CALU: variants seen among roughly 807,000 people sequenced by gnomAD.
The protein encoded by CALU is IEF SSP 9302.
CALU carries 13 observed loss-of-function variants against 37.5 expected under a neutral mutation model. The observed-to-expected ratio is 0.35, with a 90% CI of 0.23 to 0.55. The LOEUF is 0.55. Ranked by LOEUF, CALU falls within the 20% of genes least tolerant of loss-of-function variation. The probability of loss-of-function intolerance (pLI) is 0.89; values close to 1 mark genes in which losing one functional copy is unlikely to be tolerated. For missense variants in CALU, 282 were observed against 391.7 expected, an observed-to-expected ratio of 0.72 and a Z score of 2.36; for synonymous variants, 114 against 133.8, an observed-to-expected ratio of 0.85 and a Z score of 1.02.
At chr7:128,750,942 T>G (rs969655808) in intron 2 of CALU, among the ~76,000 whole-genome samples, 2 of 152,202 alleles carry the variant, frequency 1.3e-5, no homozygotes, top group Non-Finnish European at 2.9e-5. Context: ...AAATAGGCGA[T>G]TTTATGTATC....
intron 2 of CALU, among the ~76,000 whole-genome samples, chr7:128,750,391 G>A (rs1434013604): frequency 6.6e-6 from 1 of 152,172 alleles, no homozygotes; most frequent in Non-Finnish European, 1.5e-5. Context: ...ATTTAGGGTA[G>A]ATGGTACTAT....
intron 3 of CALU, among the ~76,000 whole-genome samples, chr7:128,755,553 C>T (rs1453043325): frequency 2.6e-5 from 4 of 152,130 alleles, no homozygotes; most frequent in African/African-American, 9.7e-5. Flanking sequence ...CATTTGTTTT[C>T]TCTGGCACAT....
At chr7:128,756,379 C>T (rs1332970611) in intron 3 of CALU, among the ~76,000 whole-genome samples, 1 of 152,182 alleles carries the variant, frequency 6.6e-6, no homozygotes, top group Admixed American at 6.5e-5. Flanking sequence ...ATTTCTGCTG[C>T]CTGAGACTGC....
In CALU at chr7:128,754,410, G is replaced by A. The variant is rs147388270; in HGVS notation, c.370G>A (p.Val124Ile). 6.2e-6 allele frequency: 10 copies of A among 1,613,940 alleles called. No homozygotes were observed. The highest frequency in any genetic ancestry group is 2.2e-5 in the East Asian group (1 of 44,888). ...GCATGACCTCAATGAGGACGGCCTC[G>A]TTTCCTGGGAGGAGTATAAAAATGC... is the stretch of plus-strand genomic sequence containing the variant. ...KGHDLNEDGL[V>I]SWEEYKNATY... Residue 124 changes from valine to isoleucine, a missense_variant, in exon 3 of 7, where the codon GTT (valine) becomes ATT (isoleucine). Physicochemically the swap from Val to Ile is conservative, Grantham distance 29 (BLOSUM62 3). Coordinates refer to ENST00000249364, the MANE Select transcript of CALU (RefSeq NM_001219.5).
At position 128,772,376 on chromosome 7, in the gene CALU, G is replaced by A; in HGVS notation, c.*3209G>A. On this transcript the variant is annotated 3_prime_UTR_variant, in exon 7 of 7. Coordinates refer to ENST00000249364, the MANE Select transcript of CALU (RefSeq NM_001219.5). ...GTGGAAACAGTAGCTTTGTAGGCAA[G>A]AAGGCAATAGTAAGAAAATGAAAAA... 1 of 768,110 alleles carries A rather than the reference G, an allele frequency of 1.3e-6. No individual in the cohort carries two copies. The highest frequency in any genetic ancestry group is 2.1e-6 in the Non-Finnish European group (1 of 465,472). 47.6% of individuals were successfully genotyped at this position (768,110 alleles called of 1,614,324 possible). A position where few individuals can be genotyped will look rare whatever the true frequency, so the allele number is the denominator to read the frequency against.
At chr7:128,762,014 G>C (rs1387441033) in intron 5 of CALU, among the ~76,000 whole-genome samples, 1 of 150,974 alleles carries the variant, frequency 6.6e-6, no homozygotes, top group Non-Finnish European at 1.5e-5. Flanking sequence ...ATGAGCAATG[G>C]AAGATAGGAT....
At chr7:128,747,182 C>T (rs1176521558) in intron 1 of CALU, among the ~76,000 whole-genome samples, 1 of 152,144 alleles carries the variant, frequency 6.6e-6, no homozygotes, top group African/African-American at 2.4e-5. Context: ...CATCATTGAA[C>T]ATCTTAATAC....
At chr7:128,757,391 G>GTGTA (rs1357201925) in intron 3 of CALU, among the ~76,000 whole-genome samples, 1 of 151,612 alleles carries the variant, frequency 6.6e-6, no homozygotes, top group African/African-American at 2.4e-5. Context: ...GTGTGTGTGT[G>GTGTA]TACACAGGAT....
chr7:128,769,140 G>C lies in CALU; in HGVS notation c.921G>C (p.Glu307Asp), dbSNP rs762321843. Residue 307 changes from glutamate to aspartate, a missense_variant, in exon 7 of 7, where the codon GAG (glutamate) becomes GAC (aspartate). Physicochemically the swap from Glu to Asp is conservative, Grantham distance 45. Coordinates refer to ENST00000249364, the MANE Select transcript of CALU (RefSeq NM_001219.5). ...FVGSQATDFG[E>D]ALVRHDEF ...GCAGCCAGGCCACAGATTTTGGGGA[G>C]GCCTTAGTACGGCATGATGAGTTCT... is the stretch of plus-strand genomic sequence containing the variant. The C allele has an allele frequency of 1.2e-6, 2 of 1,607,918 alleles. No homozygotes were observed. Among genetic ancestry groups the C allele is most frequent in the Non-Finnish European group, 1.7e-6 (2 of 1,174,408 alleles).
intron 6 of CALU, among the ~76,000 whole-genome samples, chr7:128,768,847 C>CAAAAAAAAAAACAA (rs1491481537): frequency 3.6e-5 from 2 of 55,162 alleles, no homozygotes; most frequent in Non-Finnish European, 6.4e-5. Context: ...AACTCCGTCT[C>CAAAAAAAAAAACAA]AAAAAAAAAA....
Position 128,759,860 on chromosome 7 carries a change from T to A in CALU, c.643+8T>A. 7.7e-6 allele frequency: 10 copies of A among 1,305,632 alleles called. No homozygotes were observed. Among genetic ancestry groups the A allele is most frequent in the Non-Finnish European group, 1.0e-5 (9 of 899,866 alleles). The allele number at this position is 1,305,632 out of a possible 1,614,324, so 80.9% of individuals were successfully genotyped here. A position where few individuals can be genotyped will look rare whatever the true frequency, so the allele number is the denominator to read the frequency against. On this transcript the variant is annotated splice_region_variant and intron_variant, in intron 5 of 6. Coordinates refer to ENST00000249364, the MANE Select transcript of CALU (RefSeq NM_001219.5). ...ATCTAGAAGAGTATATTGGTAAGTC[T>A]CTGCTTTTAGTGTTTTTCTTAGAAA...
In CALU at chr7:128,770,417, T is replaced by TA. The variant is rs1801511341; in HGVS notation, c.*1251dup. 1.3e-5 allele frequency: 2 copies of TA among 152,572 alleles called. No homozygotes were observed. Among genetic ancestry groups the TA allele is most frequent in the South Asian group, 4.1e-4 (2 of 4,828 alleles). The allele number at this position is 152,572 out of a possible 1,614,324, so 9.5% of individuals were successfully genotyped here. A position where few individuals can be genotyped will look rare whatever the true frequency, so the allele number is the denominator to read the frequency against. On this transcript the variant is annotated 3_prime_UTR_variant, in exon 7 of 7. Transcript: ENST00000249364. ...CTCATACCTCACAATGCAAACCACT[T>TA]ACTACCAGGCCTTTTTCTGTGTCCA... is the stretch of plus-strand genomic sequence containing the variant.
chr7:128,748,701 A>C lies in CALU; in HGVS notation c.118A>C (p.Asn40His). The change falls in exon 2 of 7, where the codon AAT becomes CAT. Residue 40 changes from asparagine (N) to histidine (H), a missense_variant. Transcript: ENST00000249364. ...GCCTCAGCTCAGTGACAAGGTTCAC[A>C]ATGATGCTCAGAGTTTTGATTATGA... ...HEPQLSDKVHNDAQSFDYDHD... is the reference protein window; with the variant it reads ...HEPQLSDKVHHDAQSFDYDHD... The C allele has an allele frequency of 6.2e-7, 1 of 1,614,194 alleles. No individual in the cohort carries two copies.
chr7:128,745,530 C>T (rs1297787743), intron 1 of CALU, among the ~76,000 whole-genome samples: 2 of 151,970 alleles, frequency 1.3e-5, no homozygotes, highest in Admixed American at 6.6e-5. Context: ...GTCTGAGCCC[C>T]AGAGGACCAG....
intron 4 of CALU, 33 bp downstream of exon 4, chr7:128,759,070 C>T (rs1800999878): frequency 2.6e-6 from 4 of 1,563,478 alleles, no homozygotes; most frequent in Non-Finnish European, 3.5e-6. Flanking sequence ...AACAGGGACT[C>T]AGTTTCTCTT....
chr7:128,753,388 T>G (rs1800750250), intron 2 of CALU, among the ~76,000 whole-genome samples: 2 of 152,262 alleles, frequency 1.3e-5, no homozygotes, highest in African/African-American at 4.8e-5. Flanking sequence ...TGATTGCACC[T>G]TTAAACAGAA....
rs182875450 is a variant in CALU at position 128,749,229 on chromosome 7, A to T, written c.221+425A>T. ...GGCACATTGGATCCCTATAAAGTTTATGATTTCCCGAGGTGTCCTTCACCC... is the reference window on the plus strand; with the variant it reads ...GGCACATTGGATCCCTATAAAGTTTTTGATTTCCCGAGGTGTCCTTCACCC... On this transcript the variant is annotated intron_variant, in intron 2 of 6. Coordinates refer to ENST00000249364, the MANE Select transcript of CALU (RefSeq NM_001219.5). Among the ~76,000 whole-genome samples, 981 of 152,374 alleles carry T rather than the reference A, an allele frequency of 6.4e-3. 7 individuals carry two copies. Among genetic ancestry groups the T allele is most frequent in the Non-Finnish European group, 7.6e-3 (518 of 68,040 alleles).
intron 2 of CALU, among the ~76,000 whole-genome samples, chr7:128,749,895 G>A (rs959504123): frequency 2.6e-5 from 4 of 152,176 alleles, no homozygotes; most frequent in Non-Finnish European, 5.9e-5. Context: ...CTCACTTTCA[G>A]TTTTAATCTA....
chr7:128,761,792 C>G (rs1043221655), intron 5 of CALU, among the ~76,000 whole-genome samples: 2 of 152,120 alleles, frequency 1.3e-5, no homozygotes, highest in African/African-American at 2.4e-5. Context: ...TGATAGTTAC[C>G]TGAAATGTTT....
Sources: allele counts gnomAD v4.1 joint callset (sites outside exome capture counted in the v4.1 genomes callset), GRCh38; gene constraint gnomAD v4.1.1; transcripts MANE v1.5; gene names NCBI Gene and HGNC (gene_info 2026-07-23, HGNC 2026-07-21).